Variants in KDM2A observed in about 807,000 individuals in gnomAD.
The protein encoded by KDM2A is lysine demethylase 2A, also known as lysine-specific demethylase 2A.
A neutral mutation model predicts 137.3 loss-of-function variants in KDM2A; 3 were observed. The observed-to-expected ratio is 0.02, with a 90% CI of 0.01 to 0.06. The LOEUF (loss-of-function observed/expected upper bound fraction) is 0.06. Among genes scored for constraint, KDM2A ranks in the 10% least tolerant of loss-of-function variants. The probability of loss-of-function intolerance (pLI) is 1.00; values close to 1 mark genes in which losing one functional copy is unlikely to be tolerated. For missense variants in KDM2A, 738 were observed against 1,510.6 expected, an observed-to-expected ratio of 0.49 and a Z score of 8.48; for synonymous variants, 512 against 541.5, an observed-to-expected ratio of 0.95 and a Z score of 0.76.
chr11:67,216,947 A>C (rs1044214739), intron 8 of KDM2A, among the ~76,000 whole-genome samples: 1 of 148,742 alleles, frequency 6.7e-6, no homozygotes, highest in Non-Finnish European at 1.5e-5. Flanking sequence ...ACAACAACAA[A>C]AAAACATGAG....
At chr11:67,123,007 T>C (rs1855634365) in intron 2 of KDM2A, among the ~76,000 whole-genome samples, 1 of 152,032 alleles carries the variant, frequency 6.6e-6, no homozygotes, top group Non-Finnish European at 1.5e-5. Flanking sequence ...AGGATCTTGC[T>C]CTGCCCAGGG....
chr11:67,165,869 C>T (rs1378532692), intron 2 of KDM2A, among the ~76,000 whole-genome samples: 3 of 152,200 alleles, frequency 2.0e-5, no homozygotes, highest in Middle Eastern at 3.4e-3. Flanking sequence ...TTTAGATTTA[C>T]GGTCAACTTT....
intron 2 of KDM2A, 126 bp from the exon 3 acceptor site, chr11:67,179,953 A>G (rs1857051393): frequency 5.7e-6 from 5 of 881,220 alleles, no homozygotes; most frequent in Non-Finnish European, 8.5e-6. Flanking sequence ...GAAAAGATCC[A>G]TAAGGCAAGG....
rs1218666870 is a variant in KDM2A, at chr11:67,187,592, T to A, written c.307+5700T>A. ...TATTTATTTATTTATTTATTTATTTTGAGATGACGTCTTGCTCTGTTGCCA... is the reference window on the plus strand; with the variant it reads ...TATTTATTTATTTATTTATTTATTTAGAGATGACGTCTTGCTCTGTTGCCA... On this transcript the variant is annotated intron_variant, in intron 5 of 20. Coordinates refer to ENST00000529006, the MANE Select transcript of KDM2A (RefSeq NM_012308.3). Among the ~76,000 whole-genome samples, 3 of 132,276 alleles carry A rather than the reference T, an allele frequency of 2.3e-5. No homozygotes were observed. In the East Asian group the frequency reaches 6.1e-4, roughly 27 times the overall value. 86.8% of individuals were successfully genotyped at this position (132,276 alleles called of 152,430 possible).
At chr11:67,180,407 C>G in intron 3 of KDM2A, 190 bp downstream of exon 3, 1 of 505,042 alleles carries the variant, frequency 2.0e-6, no homozygotes, top group East Asian at 3.3e-5. Flanking sequence ...TCATTCTCTC[C>G]TATATTAGAA....
chr11:67,125,281 A>C (rs1366438820), intron 2 of KDM2A, among the ~76,000 whole-genome samples: 2 of 150,330 alleles, frequency 1.3e-5, no homozygotes, highest in African/African-American at 4.9e-5. Flanking sequence ...CCTGGTCTCG[A>C]GTGATCTTCC....
chr11:67,129,356 A>G (rs112682042), intron 2 of KDM2A, among the ~76,000 whole-genome samples: 98 of 152,332 alleles, frequency 6.4e-4, no homozygotes, highest in African/African-American at 2.2e-3. Flanking sequence ...TGGGAGACCA[A>G]GGCCAGTGGA....
chr11:67,166,153 A>G (rs1856737497), intron 2 of KDM2A, among the ~76,000 whole-genome samples: 1 of 151,084 alleles, frequency 6.6e-6, no homozygotes, highest in Non-Finnish European at 1.5e-5. Context: ...AAGTTAAAAA[A>G]TTGGTTGACT....
intron 5 of KDM2A, among the ~76,000 whole-genome samples, chr11:67,191,288 G>A (rs533240566): frequency 2.6e-5 from 4 of 152,234 alleles, no homozygotes; most frequent in African/African-American, 7.2e-5. Flanking sequence ...GCCTCCCAAA[G>A]TGCTGAGATA....
chr11:67,145,998 G>GTTTT (rs552846225), intron 2 of KDM2A, among the ~76,000 whole-genome samples: 1 of 122,264 alleles, frequency 8.2e-6, no homozygotes, highest in Non-Finnish European at 1.7e-5. Context: ...GTTTTTTTTT[G>GTTTT]TTTTTTTTTT....
chr11:67,194,117 T>C (rs1695287314), intron 5 of KDM2A, among the ~76,000 whole-genome samples: 1 of 152,262 alleles, frequency 6.6e-6, no homozygotes, highest in Non-Finnish European at 1.5e-5. Flanking sequence ...ATTTCAGCAA[T>C]TTTAGCATTC....
intron 2 of KDM2A, among the ~76,000 whole-genome samples, chr11:67,134,087 T>C (rs551519378): frequency 1.3e-5 from 2 of 152,332 alleles, no homozygotes; most frequent in Admixed American, 6.5e-5. Context: ...AATGAAATAC[T>C]AAGGTAGACT....
At chr11:67,227,941 G>A in intron 10 of KDM2A, 96 bp from the exon 11 acceptor site, 1 of 1,283,502 alleles carries the variant, frequency 7.8e-7, no homozygotes, top group South Asian at 1.3e-5. Flanking sequence ...GTTGACTGGT[G>A]AGAGTATTTC....
chr11:67,219,446 C>T, intron 10 of KDM2A, 43 bp downstream of exon 10: 1 of 1,090,962 alleles, frequency 9.2e-7, no homozygotes, highest in South Asian at 1.6e-5. Context: ...GAGGTTTACT[C>T]CAGTTATGAT....
At chr11:67,224,461 C>CTTTTTTTTTTTTTTTTTTTTTTT (rs35180780) in intron 10 of KDM2A, among the ~76,000 whole-genome samples, 1 of 95,164 alleles carries the variant, frequency 1.1e-5, no homozygotes, top group Non-Finnish European at 1.9e-5. Flanking sequence ...TAACCCCTTT[C>CTTTTTTTTTTTTTTTTTTTTTTT]TTTTTTTTTT....
intron 2 of KDM2A, among the ~76,000 whole-genome samples, chr11:67,171,692 G>T (rs1345745518): frequency 1.3e-5 from 2 of 152,198 alleles, no homozygotes; most frequent in Non-Finnish European, 2.9e-5. Context: ...TTCTCACAGT[G>T]TGATTATCTT....
At chr11:67,132,473 C>CG (rs1304704654) in intron 2 of KDM2A, among the ~76,000 whole-genome samples, 1 of 151,894 alleles carries the variant, frequency 6.6e-6, no homozygotes, top group Non-Finnish European at 1.5e-5. Context: ...TTAGTAGAGA[C>CG]GGGGTCTCAA....
At chr11:67,234,982 A>G (rs906148708) in intron 12 of KDM2A, among the ~76,000 whole-genome samples, 3 of 151,636 alleles carry the variant, frequency 2.0e-5, no homozygotes, top group Non-Finnish European at 4.4e-5. Flanking sequence ...CCGTCTCTAG[A>G]AAAAATACAA....
chr11:67,210,869 C>G (rs1343061429), intron 6 of KDM2A, among the ~76,000 whole-genome samples: 1 of 152,158 alleles, frequency 6.6e-6, no homozygotes, highest in Non-Finnish European at 1.5e-5. Context: ...AGGCCTGGCA[C>G]AGTTGCTCAC....
Sources: allele counts gnomAD v4.1 joint callset (sites outside exome capture counted in the v4.1 genomes callset), GRCh38; gene constraint gnomAD v4.1.1; transcripts MANE v1.5; gene names NCBI Gene and HGNC (gene_info 2026-07-23, HGNC 2026-07-21).